Variants in RYR3 observed in about 807,000 individuals in gnomAD.
RYR3 encodes brain ryanodine receptor-calcium release channel.
RYR3 carries 207 observed loss-of-function variants against 584.3 expected under a neutral mutation model. That is an observed-to-expected ratio of 0.35 (90% CI 0.32 to 0.40). The LOEUF is 0.40. Ranked by LOEUF, RYR3 falls within the 10% of genes least tolerant of loss-of-function variation. The probability of loss-of-function intolerance (pLI) is 1.00; values close to 1 mark genes in which losing one functional copy is unlikely to be tolerated. For missense variants in RYR3, 5,616 were observed against 6,089.2 expected, an observed-to-expected ratio of 0.92 and a Z score of 2.59; for synonymous variants, 2,416 against 2,248.5, an observed-to-expected ratio of 1.07 and a Z score of -2.11.
intron 16 of RYR3, among the ~76,000 whole-genome samples, chr15:33,593,525 A>G (rs1353974049): frequency 6.6e-6 from 1 of 152,226 alleles, no homozygotes; most frequent in East Asian, 1.9e-4. Context: ...ATTAGTAGGC[A>G]GGTATGAAAG....
chr15:33,805,500 C>T (rs72625168), intron 69 of RYR3, among the ~76,000 whole-genome samples: 23,942 of 146,420 alleles, frequency 0.16, 2,495 homozygotes, highest in East Asian at 0.29. Flanking sequence ...TTCTTTGAGA[C>T]GGAGTCCTGC....
intron 2 of RYR3, among the ~76,000 whole-genome samples, chr15:33,490,291 CA>C (rs911256124): frequency 5.3e-5 from 8 of 152,206 alleles, no homozygotes; most frequent in African/African-American, 1.9e-4. Context: ...CTCTCTCAAA[CA>C]GCTGCCTTTG....
At chr15:33,697,668 G>A (rs368970195) in intron 39 of RYR3, among the ~76,000 whole-genome samples, 1 of 152,136 alleles carries the variant, frequency 6.6e-6, no homozygotes, top group African/African-American at 2.4e-5. Flanking sequence ...AAGAGAAAAA[G>A]CAAGTACTTA....
At chr15:33,510,822 C>T (rs1841182966) in intron 3 of RYR3, among the ~76,000 whole-genome samples, 1 of 152,058 alleles carries the variant, frequency 6.6e-6, no homozygotes, top group African/African-American at 2.4e-5. Context: ...TTTCCTTTCC[C>T]CTCCTTACTG....
chr15:33,688,666 C>T (rs2065194187), intron 38 of RYR3, among the ~76,000 whole-genome samples: 1 of 151,698 alleles, frequency 6.6e-6, no homozygotes, highest in East Asian at 1.9e-4. Flanking sequence ...AAATCAAAAC[C>T]ACAATGAAAT....
chr15:33,832,280 C>A (rs2077729880), intron 86 of RYR3, among the ~76,000 whole-genome samples: 1 of 146,022 alleles, frequency 6.8e-6, no homozygotes, highest in Admixed American at 6.9e-5. Context: ...GGCGACAGAG[C>A]AAGACTCAGT....
chr15:33,371,301 T>C (rs2040313850), intron 1 of RYR3, among the ~76,000 whole-genome samples: 1 of 152,156 alleles, frequency 6.6e-6, no homozygotes, highest in Non-Finnish European at 1.5e-5. Context: ...AGGGAAAGCC[T>C]TCAGCTCCAA....
At chr15:33,335,383 A>G (rs1595751114) in intron 1 of RYR3, among the ~76,000 whole-genome samples, 1 of 152,222 alleles carries the variant, frequency 6.6e-6, no homozygotes, top group Non-Finnish European at 1.5e-5. Context: ...TTGCAGGGAC[A>G]TGGATGGAGC....
At chr15:33,723,400 G>A (rs756632445) in intron 44 of RYR3, among the ~76,000 whole-genome samples, 5 of 152,136 alleles carry the variant, frequency 3.3e-5, no homozygotes, top group African/African-American at 4.8e-5. Flanking sequence ...GTGAAAAGTC[G>A]CAGCACTGTA....
chr15:33,496,713 T>C (rs982634913), intron 2 of RYR3, among the ~76,000 whole-genome samples: 3 of 152,158 alleles, frequency 2.0e-5, no homozygotes, highest in Non-Finnish European at 4.4e-5. Flanking sequence ...TCTTACTATG[T>C]GCAGGAACTC....
intron 27 of RYR3, 58 bp downstream of exon 27, chr15:33,636,608 A>C: frequency 6.9e-7 from 1 of 1,450,400 alleles, no homozygotes; most frequent in Non-Finnish European, 9.3e-7. Flanking sequence ...AAATATAGGG[A>C]GAGCTGAGCG....
At chr15:33,414,774 A>G (rs993377023) in intron 1 of RYR3, among the ~76,000 whole-genome samples, 1 of 151,990 alleles carries the variant, frequency 6.6e-6, no homozygotes, top group African/African-American at 2.4e-5. Flanking sequence ...TTGTATTTTT[A>G]GTAGAGACAG....
At position 33,853,067 on chromosome 15, in the gene RYR3, G is replaced by A. The variant is rs1313432894; in HGVS notation, c.13651G>A (p.Asp4551Asn). 2 of 1,604,190 alleles carry A rather than the reference G, an allele frequency of 1.2e-6. No homozygotes were observed. Among genetic ancestry groups the A allele is most frequent in the Non-Finnish European group, 1.7e-6 (2 of 1,176,370 alleles). ...NTPSFPNNYW[D>N]KFVKRKVINK... ...CAGATCTTTTCCTAATAACTACTGG[G>A]ACAAGTTTGTAAAGAGAAAGGTATG... The change falls in exon 95 of 104, where the codon GAC becomes AAC. Residue 4551 changes from aspartate (D) to asparagine (N), a missense_variant. Physicochemically the swap from Asp to Asn is conservative, Grantham distance 23. This residue lies in a region of RYR3 where 918 missense variants were observed against 887.4 expected (regional missense o/e 1.03). Transcript: ENST00000634891.
At chr15:33,461,233 C>A (rs373020159) in intron 1 of RYR3, among the ~76,000 whole-genome samples, 1 of 152,036 alleles carries the variant, frequency 6.6e-6, no homozygotes, top group Admixed American at 6.5e-5. Context: ...CGTGAGCCAC[C>A]GCGCCCGGCC....
intron 55 of RYR3, 27 bp from the exon 56 acceptor site, chr15:33,749,952 G>A: frequency 6.2e-7 from 1 of 1,602,962 alleles, no homozygotes; most frequent in South Asian, 1.1e-5. Context: ...CTTTCTTTTT[G>A]ACTTGGCTCT....
At chr15:33,761,646 C>G (rs551266827) in intron 60 of RYR3, among the ~76,000 whole-genome samples, 2 of 152,280 alleles carry the variant, frequency 1.3e-5, no homozygotes, top group East Asian at 3.9e-4. Context: ...CAGAACCAGA[C>G]AGATTCACAG....
At chr15:33,744,063 C>G (rs979075155) in intron 52 of RYR3, among the ~76,000 whole-genome samples, 3 of 152,132 alleles carry the variant, frequency 2.0e-5, no homozygotes, top group African/African-American at 7.2e-5. Flanking sequence ...GACTCACTCT[C>G]TCATATGCAC....
intron 43 of RYR3, among the ~76,000 whole-genome samples, chr15:33,716,068 G>A (rs1041295985): frequency 6.6e-6 from 1 of 152,010 alleles, no homozygotes; most frequent in Non-Finnish European, 1.5e-5. Context: ...TAAGTGTGTG[G>A]TACCTTCCTC....
rs1890112733 is a variant in RYR3 at position 33,865,264 on chromosome 15, A to ACTTCCCATGAAAT, written c.*39_*51dup. On this transcript the variant is annotated 3_prime_UTR_variant, in exon 104 of 104. Coordinates refer to ENST00000634891, the MANE Select transcript of RYR3 (RefSeq NM_001036.6). ...GAAGCGCGACAATTCTGGACAGTCAACTTCCCATGAAATAAAGTCCCCTTT... is the reference window on the plus strand; with the variant it reads ...GAAGCGCGACAATTCTGGACAGTCAACTTCCCATGAAATCTTCCCATGAAATAAAGTCCCCTTT... 1 of 1,455,492 alleles carries ACTTCCCATGAAAT rather than the reference A, an allele frequency of 6.9e-7. No homozygotes were observed. The highest frequency in any genetic ancestry group is 1.4e-5 in the African/African-American group (1 of 71,672). The allele number at this position is 1,455,492 out of a possible 1,614,324, so 90.2% of individuals were successfully genotyped here.
Sources: allele counts gnomAD v4.1 joint callset (sites outside exome capture counted in the v4.1 genomes callset), GRCh38; gene constraint gnomAD v4.1.1; regional missense constraint gnomAD v4.1.1; transcripts MANE v1.5; gene names NCBI Gene and HGNC (gene_info 2026-07-23, HGNC 2026-07-21).